Variants in DLG2 observed in about 807,000 individuals in gnomAD.
The protein encoded by DLG2 is discs large MAGUK scaffold protein 2, also known as disks large homolog 2.
In DLG2, 45 loss-of-function variants were observed where a neutral mutation model predicts 132.5. The observed-to-expected ratio is 0.34, with a 90% CI of 0.27 to 0.44. The LOEUF (loss-of-function observed/expected upper bound fraction) is 0.44. Among genes scored for constraint, DLG2 ranks in the 20% least tolerant of loss-of-function variants. DLG2 has a pLI of 1.00. For missense variants in DLG2, 1,045 were observed against 1,196.9 expected (o/e 0.87, Z 1.87); for synonymous variants, 424 against 419.6 (o/e 1.01, Z -0.13).
rs574888659 is a variant in DLG2, at chr11:84,382,871, C to CAA, written c.520-131582_520-131581dup. Reference sequence around the variant, plus strand: ...TAGGCGACAGAGCGAGACTCCGTCACAAAAAAAAAAAAGTTCCCATATCCA... The same window carrying CAA: ...TAGGCGACAGAGCGAGACTCCGTCACAAAAAAAAAAAAAAGTTCCCATATCCA... On this transcript the variant is annotated intron_variant, in intron 7 of 27. Coordinates refer to ENST00000376104, the MANE Select transcript of DLG2 (RefSeq NM_001142699.3). 4.9e-3 allele frequency among the ~76,000 whole-genome samples: 706 copies of CAA among 143,752 alleles called. 7 individuals are homozygous for CAA. The highest frequency in any genetic ancestry group is 7.4e-3 in the Non-Finnish European group (479 of 65,164). The allele number at this position is 143,752 out of a possible 152,430, so 94.3% of individuals were successfully genotyped here.
At chr11:83,509,680 G>A (rs2094908890) in intron 21 of DLG2, among the ~76,000 whole-genome samples, 2 of 152,116 alleles carry the variant, frequency 1.3e-5, no homozygotes. Flanking sequence ...TATGTTGTAA[G>A]TAATGGGTTA....
At chr11:84,350,797 A>G (rs1332685308) in intron 7 of DLG2, among the ~76,000 whole-genome samples, 1 of 152,206 alleles carries the variant, frequency 6.6e-6, no homozygotes, top group African/African-American at 2.4e-5. Context: ...ATTTGGCTGA[A>G]CAAATGGTAT....
At chr11:83,781,960 T>C (rs2094846868) in intron 18 of DLG2, among the ~76,000 whole-genome samples, 1 of 152,212 alleles carries the variant, frequency 6.6e-6, no homozygotes, top group Non-Finnish European at 1.5e-5. Flanking sequence ...TTTTTATTCA[T>C]CAATGGTGTC....
intron 5 of DLG2, among the ~76,000 whole-genome samples, chr11:85,144,943 T>G (rs899834911): frequency 6.6e-6 from 1 of 152,102 alleles, no homozygotes; most frequent in African/African-American, 2.4e-5. Flanking sequence ...TTCTTATTGT[T>G]TGTTAATGTC....
chr11:84,753,135 A>G (rs1180631893), intron 6 of DLG2, among the ~76,000 whole-genome samples: 1 of 152,200 alleles, frequency 6.6e-6, no homozygotes, highest in African/African-American at 2.4e-5. Context: ...TTTGGGCAAG[A>G]ATAAACTTGG....
chr11:84,364,319 A>G lies in DLG2; in HGVS notation c.520-113028T>C, dbSNP rs532755700. Among the ~76,000 whole-genome samples, 423 of 151,970 alleles carry G rather than the reference A, an allele frequency of 2.8e-3. 1 individual carries two copies. The highest frequency in any genetic ancestry group is 4.1e-3 in the Admixed American group (63 of 15,260). Reference sequence around the variant, plus strand: ...TGATTTGGCTCTCTGTTTGTCTGTTATTTGTGTATAAGAATGCTTGTGATT... The same window carrying G: ...TGATTTGGCTCTCTGTTTGTCTGTTGTTTGTGTATAAGAATGCTTGTGATT... On this transcript the variant is annotated intron_variant, in intron 7 of 27. Coordinates refer to ENST00000376104, the MANE Select transcript of DLG2 (RefSeq NM_001142699.3).
chr11:84,564,374 A>G (rs1277832007), intron 6 of DLG2, among the ~76,000 whole-genome samples: 1 of 152,184 alleles, frequency 6.6e-6, no homozygotes, highest in African/African-American at 2.4e-5. Flanking sequence ...CTGACTTTAC[A>G]GTATCCTTGG....
chr11:84,254,806 T>G (rs1449234822), intron 7 of DLG2, among the ~76,000 whole-genome samples: 1 of 152,204 alleles, frequency 6.6e-6, no homozygotes, highest in Admixed American at 6.5e-5. Flanking sequence ...TATGGAAAGT[T>G]TATTATTCCT....
intron 10 of DLG2, among the ~76,000 whole-genome samples, chr11:84,098,163 A>G (rs915291922): frequency 4.6e-5 from 7 of 151,000 alleles, no homozygotes; most frequent in African/African-American, 1.7e-4. Context: ...CTCAGCCTCC[A>G]GAGTAGCTGG....
intron 3 of DLG2, among the ~76,000 whole-genome samples, chr11:85,324,161 C>G (rs1217597715): frequency 6.6e-6 from 1 of 152,196 alleles, no homozygotes; most frequent in Non-Finnish European, 1.5e-5. Context: ...GACATGGCTT[C>G]TCTGAATTAT....
chr11:85,550,406 C>T lies in DLG2; in HGVS notation c.40+48251G>A, dbSNP rs139438292. On this transcript the variant is annotated intron_variant, in intron 3 of 27. Coordinates refer to ENST00000376104, the MANE Select transcript of DLG2 (RefSeq NM_001142699.3). ...CTGCATGGAGTTTGTGCTGCCAGCG[C>T]GCAAAGGTGCTTACTCTGGTTCCTG... Among the ~76,000 whole-genome samples, 8 of 152,336 alleles carry T rather than the reference C, an allele frequency of 5.3e-5. No homozygotes were observed. In the East Asian group the frequency reaches 5.8e-4, roughly 11 times the overall value.
At chr11:83,976,865 C>A (rs184734437) in intron 12 of DLG2, among the ~76,000 whole-genome samples, 2 of 151,776 alleles carry the variant, frequency 1.3e-5, no homozygotes, top group African/African-American at 4.8e-5. Flanking sequence ...TATGAACTAA[C>A]CAGAGATGTG....
intron 6 of DLG2, among the ~76,000 whole-genome samples, chr11:84,697,595 A>C (rs2058748289): frequency 6.6e-6 from 1 of 151,510 alleles, no homozygotes; most frequent in Admixed American, 6.6e-5. Context: ...CACGAAGTGT[A>C]CCAGGCCTTT....
chr11:84,202,127 T>C (rs2154299957), intron 8 of DLG2, among the ~76,000 whole-genome samples: 1 of 152,042 alleles, frequency 6.6e-6, no homozygotes, highest in East Asian at 1.9e-4. Context: ...TATTTTAAAA[T>C]TTATATGGAA....
intron 11 of DLG2, among the ~76,000 whole-genome samples, chr11:84,046,962 A>AG (rs1192760444): frequency 6.6e-6 from 1 of 151,806 alleles, no homozygotes; most frequent in South Asian, 2.1e-4. Context: ...GTCCATGAAT[A>AG]GAAAGTACTG....
intron 21 of DLG2, among the ~76,000 whole-genome samples, chr11:83,493,374 TCC>T (rs2093976860): frequency 1.3e-5 from 1 of 74,484 alleles, no homozygotes; most frequent in African/African-American, 5.5e-5. Context: ...CTTCCTTCCT[TCC>T]TTCCTTCCTT....
At chr11:83,693,475 G>A (rs541185773) in intron 18 of DLG2, among the ~76,000 whole-genome samples, 1 of 152,214 alleles carries the variant, frequency 6.6e-6, no homozygotes, top group South Asian at 2.1e-4. Context: ...TGTGGGAACG[G>A]CGAAGGCAGC....
intron 9 of DLG2, among the ~76,000 whole-genome samples, chr11:84,111,487 A>G (rs777084656): frequency 5.3e-4 from 80 of 152,260 alleles, no homozygotes; most frequent in Non-Finnish European, 5.0e-4. Context: ...CTCTCTCTCA[A>G]TCTAATGCCC....
intron 5 of DLG2, among the ~76,000 whole-genome samples, chr11:85,151,986 T>G (rs181607306): frequency 6.6e-6 from 1 of 152,146 alleles, no homozygotes; most frequent in Admixed American, 6.5e-5. Context: ...CATAAAAACA[T>G]TCTTTCCCAC....
Sources: gnomAD v4.1 joint callset for allele counts (sites outside exome capture counted in the v4.1 genomes callset) on GRCh38, gnomAD v4.1.1 for gene constraint, MANE v1.5 for transcripts, NCBI Gene and HGNC (gene_info 2026-07-23, HGNC 2026-07-21) for gene names.